LRP5: variants seen among roughly 807,000 people sequenced by gnomAD.
The protein encoded by LRP5 is LDL receptor related protein 5.
Under a neutral mutation model 154.1 loss-of-function variants are expected in LRP5, and 62 were observed. The observed-to-expected ratio is 0.40, with a 90% CI of 0.33 to 0.50. The LOEUF (loss-of-function observed/expected upper bound fraction) is 0.50, where lower values mean the gene tolerates loss of function less well. Ranked by LOEUF, LRP5 falls within the 20% of genes least tolerant of loss-of-function variation. The pLI, the probability that LRP5 is intolerant of heterozygous loss-of-function variation, is 0.55. For missense variants in LRP5, 1,915 were observed against 2,336.7 expected (o/e 0.82, Z 3.72); for synonymous variants, 966 against 1,011.5 (o/e 0.96, Z 0.85).
intron 1 of LRP5, among the ~76,000 whole-genome samples, chr11:68,341,080 C>CTTTTTTTTTTTTTTTTTTTTTTTTTTT (rs2098608853): frequency 1.8e-5 from 1 of 55,476 alleles, no homozygotes; most frequent in African/African-American, 1.0e-4. Flanking sequence ...TTTTTTTTTG[C>CTTTTTTTTTTTTTTTTTTTTTTTTTTT]TATTACAAAT....
chr11:68,431,269 C>A (rs1420165141), intron 17 of LRP5, among the ~76,000 whole-genome samples: 4 of 127,964 alleles, frequency 3.1e-5, no homozygotes, highest in Non-Finnish European at 6.4e-5. Flanking sequence ...GATGGAGTCT[C>A]GCTTTTTTCG....
At chr11:68,391,267 C>A (rs898432040) in intron 7 of LRP5, among the ~76,000 whole-genome samples, 1 of 151,936 alleles carries the variant, frequency 6.6e-6, no homozygotes, top group Non-Finnish European at 1.5e-5. Context: ...CCGCGCCCAG[C>A]CTCTGTTGAG....
intron 13 of LRP5, among the ~76,000 whole-genome samples, chr11:68,422,812 C>G (rs1328329479): frequency 6.6e-6 from 1 of 150,980 alleles, no homozygotes; most frequent in Non-Finnish European, 1.5e-5. Context: ...CCGCACCTTC[C>G]CTACCCACCC....
chr11:68,439,321 C>T (rs2098676816), intron 20 of LRP5, among the ~76,000 whole-genome samples: 1 of 152,168 alleles, frequency 6.6e-6, no homozygotes, highest in South Asian at 2.1e-4. Flanking sequence ...CTGTCCTGTC[C>T]CACTGTCACC....
At chr11:68,374,066 CCAGA>C (rs143351544) in intron 5 of LRP5, among the ~76,000 whole-genome samples, 2,923 of 152,278 alleles carry the variant, frequency 0.019, 102 homozygotes, top group African/African-American at 0.067. Flanking sequence ...CACAGCTCAC[CCAGA>C]CAGAGTTTTA....
At chr11:68,409,071 A>AT (rs1324458424) in intron 9 of LRP5, among the ~76,000 whole-genome samples, 55 of 52,584 alleles carry the variant, frequency 1.0e-3, no homozygotes, top group African/African-American at 4.6e-3. Context: ...AAAAAAAAAA[A>AT]AAATATATAT....
At chr11:68,390,132 C>T in intron 7 of LRP5, 80 bp downstream of exon 7, 1 of 1,524,756 alleles carries the variant, frequency 6.6e-7, no homozygotes, top group South Asian at 1.2e-5. Flanking sequence ...ATTGGCGAGG[C>T]ACCGATGGGT....
intron 21 of LRP5, among the ~76,000 whole-genome samples, chr11:68,440,433 C>T (rs932963196): frequency 6.6e-6 from 1 of 152,226 alleles, no homozygotes; most frequent in East Asian, 1.9e-4. Context: ...AGCTGAGCCA[C>T]GCCTTGAGTG....
Position 68,372,258 on chromosome 11 carries a change from G to A in LRP5, c.1015+6556G>A, listed in dbSNP as rs1456387702. ...TGCAGTGTCAGGCAGACCCGGGACC[G>A]TGGTGATGAGGAAATGCAGTGTCAG... On this transcript the variant is annotated intron_variant, in intron 5 of 22. Transcript: ENST00000294304. Among the ~76,000 whole-genome samples the A allele has an allele frequency of 6.1e-5, 9 of 147,210 alleles. 1 individual carries two copies. The Middle Eastern group carries it at 0.011, about 184-fold the overall frequency.
chr11:68,338,867 GTTTTTTTTTT>G (rs11382677), intron 1 of LRP5, among the ~76,000 whole-genome samples: 11 of 91,940 alleles, frequency 1.2e-4, no homozygotes, highest in Non-Finnish European at 1.7e-4. Flanking sequence ...CTTTTGTTTA[GTTTTTTTTTT>G]TTTTTTTTTT....
Position 68,417,294 on chromosome 11 carries a change from GGT to G in LRP5, c.3027+777_3027+778del, listed in dbSNP as rs1248643192. The stretch of plus-strand genomic sequence containing the variant: ...TGAGCCCAGGGAGGTCAGAGACGGA[GGT>G]GTGTGTGTGGGTGTGACCCTGCGCA... On this transcript the variant is annotated intron_variant, in intron 13 of 22. Coordinates refer to ENST00000294304, the MANE Select transcript of LRP5 (RefSeq NM_002335.4). 2.0e-5 allele frequency among the ~76,000 whole-genome samples: 3 copies of G among 152,010 alleles called. No homozygotes were observed. The East Asian group carries it at 5.8e-4, about 29-fold the overall frequency.
intron 3 of LRP5, among the ~76,000 whole-genome samples, chr11:68,363,508 T>G (rs1210900356): frequency 6.6e-6 from 1 of 151,808 alleles, no homozygotes; most frequent in East Asian, 1.9e-4. Context: ...AATACAAAAA[T>G]CATCTGGGCG....
At chr11:68,347,731 G>A (rs2098614337) in intron 1 of LRP5, 116 bp from the exon 2 acceptor site, 33 of 1,269,278 alleles carry the variant, frequency 2.6e-5, no homozygotes, top group Non-Finnish European at 1.1e-6. Flanking sequence ...AGGAACTGGA[G>A]GTCTTGGGCA....
rs11299690 is a variant in LRP5, at chr11:68,408,242, ATT to A, written c.2091+1453_2091+1454del. Among the ~76,000 whole-genome samples, 513 of 52,192 alleles carry A rather than the reference ATT, an allele frequency of 9.8e-3. 4 individuals carry two copies. The highest frequency in any genetic ancestry group is 0.032 in the African/African-American group (455 of 14,232). 34.2% of individuals were successfully genotyped at this position (52,192 alleles called of 152,430 possible). ...AGGCACACACCACCACTCCTGGCTG[ATT>A]TTTTTTTTTTTTTTTTTTTTTTTGG... On this transcript the variant is annotated intron_variant, in intron 9 of 22. Coordinates refer to ENST00000294304, the MANE Select transcript of LRP5 (RefSeq NM_002335.4).
At chr11:68,401,053 G>A in intron 7 of LRP5, among the ~76,000 whole-genome samples, 1 of 152,188 alleles carries the variant, frequency 6.6e-6, no homozygotes, top group East Asian at 1.9e-4. Flanking sequence ...AGGGGAAAGG[G>A]TTCGCCCGCT....
rs376476343 is a variant in LRP5 at position 68,408,620 on chromosome 11, T to C, written c.2092-1294T>C. The stretch of plus-strand genomic sequence containing the variant: ...ATATGCTACGCAGAATTCTGTATCC[T>C]GATTTTTTCACTTGACATTACAACA... On this transcript the variant is annotated intron_variant, in intron 9 of 22. Transcript: ENST00000294304. Among the ~76,000 whole-genome samples the C allele has an allele frequency of 1.8e-4, 28 of 152,328 alleles. 1 individual carries two copies. In the South Asian group the frequency reaches 5.4e-3, roughly 29 times the overall value.
intron 21 of LRP5, among the ~76,000 whole-genome samples, chr11:68,443,533 C>T (rs1454897124): frequency 3.9e-5 from 3 of 76,782 alleles, no homozygotes; most frequent in Non-Finnish European, 5.5e-5. Flanking sequence ...TATCAATCTC[C>T]TCTTTTATGG....
At chr11:68,437,505 C>A (rs905888933) in intron 19 of LRP5, among the ~76,000 whole-genome samples, 9 of 152,218 alleles carry the variant, frequency 5.9e-5, no homozygotes, top group African/African-American at 2.2e-4. Context: ...GGAAGACTTT[C>A]CAGAGGCAGT....
chr11:68,434,949 T>C (rs879350442), intron 18 of LRP5, among the ~76,000 whole-genome samples: 10 of 152,222 alleles, frequency 6.6e-5, no homozygotes, highest in African/African-American at 2.2e-4. Flanking sequence ...TCATTGACCA[T>C]TGGAGAATTT....
Sources: allele counts gnomAD v4.1 joint callset (sites outside exome capture counted in the v4.1 genomes callset), GRCh38; gene constraint gnomAD v4.1.1; transcripts MANE v1.5; gene names NCBI Gene and HGNC (gene_info 2026-07-23, HGNC 2026-07-21).